Variants in PHACTR1 observed in about 807,000 individuals in gnomAD.
The protein encoded by PHACTR1 is phosphatase and actin regulator 1.
A neutral mutation model predicts 69.2 loss-of-function variants in PHACTR1; 16 were observed. The observed-to-expected ratio is 0.23, with a 90% CI of 0.16 to 0.35. The LOEUF is 0.35. Among genes scored for constraint, PHACTR1 ranks in the 10% least tolerant of loss-of-function variants. The probability of loss-of-function intolerance (pLI) is 1.00; values close to 1 mark genes in which losing one functional copy is unlikely to be tolerated. For synonymous variants in PHACTR1, 312 were observed against 284.5 expected (o/e 1.10, Z -0.97); for missense variants, 510 against 734.7 (o/e 0.69, Z 3.54).
chr6:12,799,795 A>C (rs780933622), intron 4 of PHACTR1, among the ~76,000 whole-genome samples: 2 of 152,200 alleles, frequency 1.3e-5, no homozygotes, highest in Non-Finnish European at 2.9e-5. Context: ...TTCTTATAGA[A>C]TTTTTTCTAG....
At chr6:13,019,871 C>G (rs548304888) in intron 4 of PHACTR1, among the ~76,000 whole-genome samples, 175 of 152,268 alleles carry the variant, frequency 1.1e-3, no homozygotes, top group African/African-American at 4.0e-3. Flanking sequence ...ATGGTGAGAA[C>G]TTTTTGGACT....
intron 10 of PHACTR1, among the ~76,000 whole-genome samples, chr6:13,262,932 G>C (rs1776101685): frequency 6.6e-6 from 1 of 152,196 alleles, no homozygotes; most frequent in Non-Finnish European, 1.5e-5. Context: ...CAGAGATCCA[G>C]ACTTTAAAAT....
At chr6:13,194,401 CAAAAAA>C (rs1297859837) in intron 7 of PHACTR1, among the ~76,000 whole-genome samples, 1 of 99,690 alleles carries the variant, frequency 1.0e-5, no homozygotes. Flanking sequence ...GACTCCGTCT[CAAAAAA>C]AAAAAAAAAA....
At chr6:12,851,345 A>G (rs1041753203) in intron 4 of PHACTR1, among the ~76,000 whole-genome samples, 7 of 152,194 alleles carry the variant, frequency 4.6e-5, no homozygotes, top group Non-Finnish European at 1.0e-4. Context: ...TAATAAGGGA[A>G]TGCAAGGAAA....
intron 5 of PHACTR1, among the ~76,000 whole-genome samples, chr6:13,098,906 A>G (rs1814700327): frequency 6.6e-6 from 1 of 152,246 alleles, no homozygotes; most frequent in Admixed American, 6.5e-5. Context: ...CACGTGGGCA[A>G]CTGCAATCAA....
Position 13,205,903 on chromosome 6 carries a change from G to A in PHACTR1, c.753G>A (p.Val251=), listed in dbSNP as rs758812418. 2 of 1,613,180 alleles carry A rather than the reference G, an allele frequency of 1.2e-6. No individual in the cohort carries two copies. Among genetic ancestry groups the A allele is most frequent in the Non-Finnish European group, 1.7e-6 (2 of 1,179,278 alleles). ...AGAAAGTCATGATCTGTATGCCCGT[G>A]GGGGGGCCAGACCTCTCACTGGTGT... The part of the protein sequence containing the change: ...PPKKVMICMP[V]GGPDLSLVSY... Residue 251 remains valine (V), a synonymous_variant, in exon 8 of 15, where the codon GTG becomes GTA. Transcript: ENST00000332995.
chr6:12,722,198 A>T (rs1264063217), intron 3 of PHACTR1, among the ~76,000 whole-genome samples: 2 of 152,202 alleles, frequency 1.3e-5, no homozygotes, highest in Non-Finnish European at 2.9e-5. Flanking sequence ...CTGTTGTGTG[A>T]TTATTGCATT....
At chr6:12,766,041 A>T (rs978005832) in intron 4 of PHACTR1, among the ~76,000 whole-genome samples, 2 of 152,102 alleles carry the variant, frequency 1.3e-5, no homozygotes, top group Non-Finnish European at 2.9e-5. Flanking sequence ...TGACTCGGAA[A>T]TTTTTTTCTT....
At chr6:13,261,072 A>G (rs1358830751) in intron 10 of PHACTR1, among the ~76,000 whole-genome samples, 2 of 152,092 alleles carry the variant, frequency 1.3e-5, no homozygotes, top group Admixed American at 1.3e-4. Context: ...GACATTACCA[A>G]ATGCATCCTA....
rs1012551554 is a variant in PHACTR1 at position 12,815,534 on chromosome 6, A to C, written c.250+65744A>C. On this transcript the variant is annotated intron_variant, in intron 4 of 14. Coordinates refer to ENST00000332995, the MANE Select transcript of PHACTR1 (RefSeq NM_030948.6). ...TCTTACTTTGTCCTTTAGAAATGGG[A>C]AAGGAAGAAAATAATCATCCTCCCC... 3.3e-5 allele frequency among the ~76,000 whole-genome samples: 5 copies of C among 152,234 alleles called. No homozygotes were observed. The South Asian group carries it at 1.0e-3, about 32-fold the overall frequency.
rs1451484803 is a variant in PHACTR1, at chr6:12,944,793, T to TA, written c.251-108572_251-108571insA. On this transcript the variant is annotated intron_variant, in intron 4 of 14. Transcript: ENST00000332995. The stretch of plus-strand genomic sequence containing the variant: ...TATTTATTTATTTTTATTTATTTTT[T>TA]TTTTTTTGAGACGGAGTCTGGCTCT... Among the ~76,000 whole-genome samples the TA allele has an allele frequency of 6.8e-3, 885 of 130,062 alleles. 8 individuals carry two copies. The highest frequency in any genetic ancestry group is 0.021 in the African/African-American group (756 of 35,776). The allele number at this position is 130,062 out of a possible 152,430, so 85.3% of individuals were successfully genotyped here.
rs529877744 is a variant in PHACTR1, at chr6:13,004,840, C to T, written c.251-48525C>T. Among the ~76,000 whole-genome samples, 42 of 152,224 alleles carry T rather than the reference C, an allele frequency of 2.8e-4. No individual in the cohort carries two copies. The South Asian group carries it at 8.3e-3, about 30-fold the overall frequency. ...AATATAGCTTTGTGCAACTTCCTCT[C>T]ACCAGCTTTTTCCTTATAAGGGAAA... is the stretch of plus-strand genomic sequence containing the variant. On this transcript the variant is annotated intron_variant, in intron 4 of 14. Coordinates refer to ENST00000332995, the MANE Select transcript of PHACTR1 (RefSeq NM_030948.6).
chr6:12,734,681 A>G (rs1764010176), intron 3 of PHACTR1, among the ~76,000 whole-genome samples: 1 of 152,216 alleles, frequency 6.6e-6, no homozygotes, highest in Non-Finnish European at 1.5e-5. Context: ...AAAGGAAGAG[A>G]AAGTTACTGT....
At chr6:12,952,856 T>G (rs1791450916) in intron 4 of PHACTR1, among the ~76,000 whole-genome samples, 1 of 152,234 alleles carries the variant, frequency 6.6e-6, no homozygotes, top group South Asian at 2.1e-4. Context: ...CTTCCTGTCC[T>G]TGCCAGCATT....
chr6:12,943,023 C>T (rs1232976923), intron 4 of PHACTR1, among the ~76,000 whole-genome samples: 2 of 152,134 alleles, frequency 1.3e-5, no homozygotes, highest in Non-Finnish European at 2.9e-5. Flanking sequence ...AGACAGATAT[C>T]CTAAAGAATT....
intron 4 of PHACTR1, among the ~76,000 whole-genome samples, chr6:12,834,582 T>C (rs994942770): frequency 3.3e-5 from 5 of 152,176 alleles, no homozygotes; most frequent in African/African-American, 1.2e-4. Context: ...GATGTAGCTA[T>C]GGCCAGGTGC....
At position 12,737,420 on chromosome 6, in the gene PHACTR1, C is replaced by CAT. The variant is rs397838381; in HGVS notation, c.104-12224_104-12223insAT. 1.9e-3 allele frequency among the ~76,000 whole-genome samples: 283 copies of CAT among 151,434 alleles called. 1 individual carries two copies. The East Asian group carries it at 0.025, about 13-fold the overall frequency. ...TTATACACACACACACACACACACA[C>CAT]GCATGCACACATATGTGTCCAGAGA... On this transcript the variant is annotated intron_variant, in intron 3 of 14. Coordinates refer to ENST00000332995, the MANE Select transcript of PHACTR1 (RefSeq NM_030948.6).
intron 5 of PHACTR1, among the ~76,000 whole-genome samples, chr6:13,126,385 G>C (rs1246099473): frequency 6.6e-6 from 1 of 152,216 alleles, no homozygotes; most frequent in African/African-American, 2.4e-5. Context: ...GACAAACCCA[G>C]ATGCCCATAA....
intron 5 of PHACTR1, among the ~76,000 whole-genome samples, chr6:13,103,637 A>T (rs564975014): frequency 6.6e-6 from 1 of 152,302 alleles, no homozygotes; most frequent in South Asian, 2.1e-4. Context: ...CTAATTTTAA[A>T]CTTACAGGAA....
Sources: gnomAD v4.1 joint callset for allele counts (sites outside exome capture counted in the v4.1 genomes callset) on GRCh38, gnomAD v4.1.1 for gene constraint, MANE v1.5 for transcripts, NCBI Gene and HGNC (gene_info 2026-07-23, HGNC 2026-07-21) for gene names.